ROBO2: variants seen among roughly 807,000 people sequenced by gnomAD.
ROBO2 encodes the protein roundabout guidance receptor 2, also known as roundabout homolog 2.
Under a neutral mutation model 160.8 loss-of-function variants are expected in ROBO2, and 53 were observed. The observed-to-expected ratio is 0.33, with a 90% CI of 0.26 to 0.41. The LOEUF (loss-of-function observed/expected upper bound fraction) is 0.41. Among genes scored for constraint, ROBO2 ranks in the 10% least tolerant of loss-of-function variants. The pLI is 1.00. For synonymous variants in ROBO2, 664 were observed against 611.7 expected, an observed-to-expected ratio of 1.09 and a Z score of -1.26; for missense variants, 1,577 against 1,722.4, an observed-to-expected ratio of 0.92 and a Z score of 1.49.
At chr3:77,572,028 G>C (rs568935414) in intron 13 of ROBO2, among the ~76,000 whole-genome samples, 2 of 151,848 alleles carry the variant, frequency 1.3e-5, no homozygotes, top group African/African-American at 4.8e-5. Flanking sequence ...ACAATGTTTT[G>C]TGGTAAACAT....
At chr3:76,150,368 A>T (rs1373762862) in intron 2 of ROBO2, among the ~76,000 whole-genome samples, 1 of 150,214 alleles carries the variant, frequency 6.7e-6, no homozygotes, top group Admixed American at 6.6e-5. Context: ...TAAAACACAC[A>T]TCTGTCTAAA....
chr3:77,202,863 A>G (rs1329346678), intron 2 of ROBO2, among the ~76,000 whole-genome samples: 1 of 152,222 alleles, frequency 6.6e-6, no homozygotes, highest in Non-Finnish European at 1.5e-5. Flanking sequence ...GACCAAGTTT[A>G]AGGCAAAGGC....
chr3:77,612,974 A>G (rs2094683449), intron 21 of ROBO2, among the ~76,000 whole-genome samples: 1 of 152,186 alleles, frequency 6.6e-6, no homozygotes, highest in East Asian at 1.9e-4. Context: ...AAAAAAATAG[A>G]AAAATTGGTG....
At chr3:77,214,561 A>G (rs1213603153) in intron 2 of ROBO2, among the ~76,000 whole-genome samples, 1 of 151,990 alleles carries the variant, frequency 6.6e-6, no homozygotes, top group East Asian at 1.9e-4. Flanking sequence ...TTTTATTTGG[A>G]GCATTTAGCC....
chr3:76,021,660 A>T (rs2066578006), intron 2 of ROBO2, among the ~76,000 whole-genome samples: 1 of 151,810 alleles, frequency 6.6e-6, no homozygotes, highest in Admixed American at 6.6e-5. Context: ...TAACCAGCTG[A>T]GTGTGCAATA....
At chr3:77,552,410 T>A (rs1471553371) in intron 8 of ROBO2, among the ~76,000 whole-genome samples, 1 of 152,032 alleles carries the variant, frequency 6.6e-6, no homozygotes, top group Non-Finnish European at 1.5e-5. Context: ...GTTGATGAAC[T>A]AGAAGAGCCA....
At chr3:76,798,308 G>GAAAGAAAGA (rs1386837917) in intron 2 of ROBO2, among the ~76,000 whole-genome samples, 155 of 149,418 alleles carry the variant, frequency 1.0e-3, no homozygotes, top group Middle Eastern at 3.5e-3. Context: ...AAGAAAGAAA[G>GAAAGAAAGA]AAAGAAAAAA....
chr3:77,052,193 A>G (rs1025198204), intron 1 of ROBO2, among the ~76,000 whole-genome samples: 2 of 152,222 alleles, frequency 1.3e-5, no homozygotes, highest in South Asian at 4.1e-4. Flanking sequence ...AACACAGTAC[A>G]GGCCATGAAT....
intron 2 of ROBO2, among the ~76,000 whole-genome samples, chr3:76,781,650 T>C (rs966577400): frequency 6.6e-6 from 1 of 150,868 alleles, no homozygotes. Context: ...GATGATCATA[T>C]GATTTTTATA....
At chr3:77,059,339 A>T (rs182250373) in intron 1 of ROBO2, among the ~76,000 whole-genome samples, 9 of 152,320 alleles carry the variant, frequency 5.9e-5, no homozygotes, top group Admixed American at 2.6e-4. Flanking sequence ...GACACAGATT[A>T]TGTAGGTAAT....
At chr3:77,215,900 T>C (rs2084874808) in intron 2 of ROBO2, among the ~76,000 whole-genome samples, 1 of 152,174 alleles carries the variant, frequency 6.6e-6, no homozygotes, top group Non-Finnish European at 1.5e-5. Flanking sequence ...CAGCAGATAT[T>C]GGTGAACAGC....
chr3:76,388,327 A>G (rs2108618736), intron 2 of ROBO2, among the ~76,000 whole-genome samples: 1 of 150,286 alleles, frequency 6.7e-6, no homozygotes, highest in South Asian at 2.1e-4. Context: ...GCTGGAGTGC[A>G]GTGGTGTGAT....
In ROBO2 at chr3:76,960,605, T is replaced by C. The variant is rs115569790; in HGVS notation, c.110-137409T>C. On this transcript the variant is annotated intron_variant, in intron 2 of 26. Coordinates refer to the ROBO2 transcript ENST00000487694. Reference sequence around the variant, plus strand: ...AAAAAAAGAAAGGCATTTTTATATATACTTGGAGGTGAAACCTCACACCAA... The same window carrying C: ...AAAAAAAGAAAGGCATTTTTATATACACTTGGAGGTGAAACCTCACACCAA... Among the ~76,000 whole-genome samples the C allele has an allele frequency of 3.9e-3, 587 of 152,244 alleles. 4 individuals carry two copies. Among genetic ancestry groups the C allele is most frequent in the African/African-American group, 0.013 (554 of 41,584 alleles).
intron 2 of ROBO2, among the ~76,000 whole-genome samples, chr3:76,398,402 C>G (rs905051409): frequency 1.4e-4 from 21 of 151,762 alleles, no homozygotes; most frequent in African/African-American, 4.8e-4. Context: ...GTGCAGCACA[C>G]CAGCATGGCA....
chr3:76,196,289 T>C (rs1269496090), intron 2 of ROBO2, among the ~76,000 whole-genome samples: 6 of 152,152 alleles, frequency 3.9e-5, no homozygotes, highest in African/African-American at 1.2e-4. Context: ...CCTGGCACTA[T>C]CCTAAGAATC....
intron 2 of ROBO2, among the ~76,000 whole-genome samples, chr3:76,982,207 A>G (rs2060133718): frequency 6.6e-6 from 1 of 152,170 alleles, no homozygotes; most frequent in African/African-American, 2.4e-5. Context: ...AGAGTTTTAT[A>G]TTCTTACATT....
chr3:76,974,529 A>C (rs1350334760), intron 2 of ROBO2, among the ~76,000 whole-genome samples: 1 of 152,170 alleles, frequency 6.6e-6, no homozygotes, highest in African/African-American at 2.4e-5. Context: ...AGCCTGAAGG[A>C]CTGCAACCCA....
chr3:77,378,791 T>C (rs970384119), intron 2 of ROBO2, among the ~76,000 whole-genome samples: 2 of 152,198 alleles, frequency 1.3e-5, no homozygotes, highest in African/African-American at 4.8e-5. Flanking sequence ...TGGTTAACTA[T>C]GCAATTACTT....
chr3:76,453,019 G>C (rs1378531176), intron 2 of ROBO2, among the ~76,000 whole-genome samples: 1 of 152,118 alleles, frequency 6.6e-6, no homozygotes, highest in Non-Finnish European at 1.5e-5. Context: ...TTTTGATGGG[G>C]TTGTTTGTTT....
Sources: allele counts gnomAD v4.1 joint callset (sites outside exome capture counted in the v4.1 genomes callset), GRCh38; gene constraint gnomAD v4.1.1; transcripts MANE v1.5; gene names NCBI Gene and HGNC (gene_info 2026-07-23, HGNC 2026-07-21).